The following NIPBL variants were observed in gnomAD, a reference collection of about 807,000 sequenced individuals.
NIPBL encodes nipped-B-like protein.
NIPBL carries 19 observed loss-of-function variants against 321.8 expected under a neutral mutation model. The observed-to-expected ratio is 0.06, with a 90% CI of 0.04 to 0.09. The LOEUF (loss-of-function observed/expected upper bound fraction) is 0.09. Among genes scored for constraint, NIPBL ranks in the 10% least tolerant of loss-of-function variants. The pLI is 1.00. For missense variants in NIPBL, 2,210 were observed against 3,327.0 expected, an observed-to-expected ratio of 0.66 and a Z score of 8.26; for synonymous variants, 1,106 against 1,114.1, an observed-to-expected ratio of 0.99 and a Z score of 0.14.
chr5:36,922,547 A>G (rs28417715), intron 1 of NIPBL, among the ~76,000 whole-genome samples: 4,967 of 152,210 alleles, frequency 0.033, 280 homozygotes, highest in African/African-American at 0.11. Context: ...AATGTCCAGC[A>G]TACTGGATAC....
At chr5:36,909,120 A>G (rs1185520682) in intron 1 of NIPBL, among the ~76,000 whole-genome samples, 2 of 152,100 alleles carry the variant, frequency 1.3e-5, no homozygotes, top group African/African-American at 4.8e-5. Flanking sequence ...CTTGTGCTGG[A>G]CTGCCCTGTG....
intron 21 of NIPBL, among the ~76,000 whole-genome samples, chr5:37,011,955 T>G (rs549798712): frequency 6.6e-6 from 1 of 152,224 alleles, no homozygotes; most frequent in East Asian, 1.9e-4. Context: ...GTCAATTTGC[T>G]TACTAAAGTG....
intron 1 of NIPBL, among the ~76,000 whole-genome samples, chr5:36,895,576 G>A (rs1031515728): frequency 2.0e-5 from 3 of 152,160 alleles, no homozygotes; most frequent in African/African-American, 7.2e-5. Context: ...TACATTTGTA[G>A]TAGCAATGTA....
chr5:37,024,633 A>G lies in NIPBL; in HGVS notation c.5623A>G (p.Ile1875Val). ...RKRVIKILRD[I>V]CIEQPTFPKI... ...AAGAGTAATAAAGATTCTCAGAGAC[A>G]TTTGTATTGAACAACCAACATTTCC... The change falls in exon 30 of 47, where the codon ATT becomes GTT. Residue 1875 changes from isoleucine to valine, a missense_variant. Coordinates refer to ENST00000282516, the MANE Select transcript of NIPBL (RefSeq NM_133433.4). 1 of 1,610,770 alleles carries G rather than the reference A, an allele frequency of 6.2e-7. No homozygotes were observed.
At chr5:36,999,036 C>G (rs1746483057) in intron 11 of NIPBL, among the ~76,000 whole-genome samples, 2 of 152,098 alleles carry the variant, frequency 1.3e-5, no homozygotes, top group Non-Finnish European at 2.9e-5. Context: ...GCCATGTTGT[C>G]CATAGATTAG....
At chr5:37,007,186 A>G in intron 17 of NIPBL, 137 bp from the exon 18 acceptor site, 1 of 693,060 alleles carries the variant, frequency 1.4e-6, no homozygotes, top group Non-Finnish European at 2.4e-6. Flanking sequence ...TTCTATTTTA[A>G]TAAATAAAAA....
Position 37,057,198 on chromosome 5 carries a change from A to T in NIPBL, c.7276A>T (p.Thr2426Ser). The T allele has an allele frequency of 6.2e-7, 1 of 1,613,718 alleles. No individual in the cohort carries two copies. The highest frequency in any genetic ancestry group is 8.5e-7 in the Non-Finnish European group (1 of 1,179,912). ...TTAAAATTTACAGAAAACAGACGTG[A>T]CTATGCTCTTGTATATAGCAGACAA... The part of the protein sequence containing the change: ...LFDDTAKTDV[T>S]MLLYIADNLA... The change falls in exon 43 of 47, where the codon ACT (threonine) becomes TCT (serine). Residue 2426 changes from threonine (T) to serine (S), a missense_variant. Transcript: ENST00000282516.
At chr5:36,878,991 G>A (rs554679029) in intron 1 of NIPBL, among the ~76,000 whole-genome samples, 72 of 143,058 alleles carry the variant, frequency 5.0e-4, no homozygotes, top group East Asian at 1.9e-3. Context: ...TGTGCGAGTG[G>A]GGGGCATGCC....
At chr5:36,904,989 G>C (rs1032451312) in intron 1 of NIPBL, among the ~76,000 whole-genome samples, 3 of 152,204 alleles carry the variant, frequency 2.0e-5, no homozygotes, top group Non-Finnish European at 4.4e-5. Context: ...CTTAAAGGCT[G>C]CCTATCACAG....
At chr5:37,011,097 A>G (rs1031920827) in intron 21 of NIPBL, among the ~76,000 whole-genome samples, 1 of 152,186 alleles carries the variant, frequency 6.6e-6, no homozygotes, top group Admixed American at 6.5e-5. Context: ...GCTCATGCCG[A>G]CGATTTGCGT....
At chr5:36,968,056 A>G (rs1199558393) in intron 6 of NIPBL, among the ~76,000 whole-genome samples, 4 of 143,130 alleles carry the variant, frequency 2.8e-5, no homozygotes, top group African/African-American at 1.1e-4. Flanking sequence ...AGATCACGCC[A>G]CTGCACTCTA....
chr5:36,901,487 G>A (rs1471079271), intron 1 of NIPBL, among the ~76,000 whole-genome samples: 1 of 144,618 alleles, frequency 6.9e-6, no homozygotes, highest in Non-Finnish European at 1.5e-5. Flanking sequence ...GGGTTGCATG[G>A]TCCTTCTAAG....
intron 29 of NIPBL, 93 bp from the exon 30 acceptor site, chr5:37,024,492 A>G (rs539757426): frequency 5.7e-5 from 58 of 1,021,290 alleles, no homozygotes; most frequent in Non-Finnish European, 7.8e-5. Context: ...GTTAACAAAT[A>G]GTGAATATAC....
intron 1 of NIPBL, among the ~76,000 whole-genome samples, chr5:36,948,759 A>G (rs551581618): frequency 5.8e-4 from 88 of 151,996 alleles, no homozygotes; most frequent in South Asian, 5.6e-3. Context: ...TCTGCTCAAT[A>G]GTTCAGATCA....
At chr5:36,914,514 C>A (rs188657621) in intron 1 of NIPBL, among the ~76,000 whole-genome samples, 1 of 152,062 alleles carries the variant, frequency 6.6e-6, no homozygotes, top group Non-Finnish European at 1.5e-5. Context: ...AACTTTAATG[C>A]GCAAAAGTAT....
At chr5:36,976,749 AT>A (rs1213927680) in intron 9 of NIPBL, among the ~76,000 whole-genome samples, 2 of 151,988 alleles carry the variant, frequency 1.3e-5, no homozygotes, top group East Asian at 1.9e-4. Flanking sequence ...GCACCTTCAA[AT>A]TTTTTTCTGC....
intron 20 of NIPBL, among the ~76,000 whole-genome samples, chr5:37,008,941 GT>G (rs1264974504): frequency 6.6e-6 from 1 of 152,174 alleles, no homozygotes; most frequent in Admixed American, 6.5e-5. Flanking sequence ...CTGTGGCAGG[GT>G]TTTTCAGTGT....
rs1423098057 is a variant in NIPBL, at chr5:36,985,976, A to G, written c.2796A>G (p.Lys932=). Residue 932 remains lysine (K), a synonymous_variant, in exon 10 of 47, where the codon AAA becomes AAG. Coordinates refer to ENST00000282516, the MANE Select transcript of NIPBL (RefSeq NM_133433.4). ...ACAAGAGTAAAGTAGACACTAATAA[A>G]GCACACCCTGACAATAAGGCAGAAT... ...EGNKSKVDTN[K]AHPDNKAEFP... 1.9e-6 allele frequency: 3 copies of G among 1,614,010 alleles called. No individual in the cohort carries two copies. Among genetic ancestry groups the G allele is most frequent in the Non-Finnish European group, 2.5e-6 (3 of 1,179,944 alleles).
chr5:37,009,235 CA>C lies in NIPBL; in HGVS notation c.4421+523del, dbSNP rs1014621127. On this transcript the variant is annotated intron_variant, in intron 20 of 46. Coordinates refer to ENST00000282516, the MANE Select transcript of NIPBL (RefSeq NM_133433.4). ...AGGATTTTATAAGATTTTTGTGTCT[CA>C]AAAAAAAAAATAAAAAACAGAAAGA... Among the ~76,000 whole-genome samples, 261 of 138,640 alleles carry C rather than the reference CA, an allele frequency of 1.9e-3. 1 individual carries two copies. The highest frequency in any genetic ancestry group is 5.5e-3 in the African/African-American group (206 of 37,588). The allele number at this position is 138,640 out of a possible 152,430, so 91.0% of individuals were successfully genotyped here.
Sources: gnomAD v4.1 joint callset for allele counts (sites outside exome capture counted in the v4.1 genomes callset) on GRCh38, gnomAD v4.1.1 for gene constraint, MANE v1.5 for transcripts, NCBI Gene and HGNC (gene_info 2026-07-23, HGNC 2026-07-21) for gene names.